SYTL5: variants seen among roughly 807,000 people sequenced by gnomAD.
The protein encoded by SYTL5 is synaptotagmin-like protein 5.
A neutral mutation model predicts 55.9 loss-of-function variants in SYTL5; 34 were observed. The ratio of observed to expected loss-of-function variants is 0.61; its 90% CI spans 0.46 to 0.81. The LOEUF (loss-of-function observed/expected upper bound fraction) is 0.81. Among genes scored for constraint, SYTL5 ranks in the 30% least tolerant of loss-of-function variants. SYTL5 has a pLI of 0.00. For synonymous variants in SYTL5, 221 were observed against 188.7 expected (o/e 1.17, Z -1.40); for missense variants, 637 against 546.7 (o/e 1.17, Z -1.65).
the SYTL5 span, among the ~76,000 whole-genome samples, chrX:37,937,047 CAA>C: frequency 2.3e-3 from 178 of 77,844 alleles, no homozygotes; most frequent in Middle Eastern, 5.9e-3. Context: ...AAGACTGTCT[CAA>C]AAAAAAAAAA....
chrX:37,895,024 C>T, the SYTL5 span, among the ~76,000 whole-genome samples: 2 of 111,559 alleles, frequency 1.8e-5, no homozygotes, highest in African/African-American at 6.5e-5. Flanking sequence ...ATTGCGTGAG[C>T]CAATTCCTGT....
chrX:37,986,158 G>T, the SYTL5 span, among the ~76,000 whole-genome samples: 12 of 110,589 alleles, frequency 1.1e-4, no homozygotes, highest in Admixed American at 3.8e-4. Context: ...TAGATAAATC[G>T]CACTTTATTT....
chrX:37,955,709 TA>T, the SYTL5 span, among the ~76,000 whole-genome samples: 21 of 111,715 alleles, frequency 1.9e-4, no homozygotes, highest in Non-Finnish European at 3.8e-4. Context: ...TATCTTTCCC[TA>T]AAGGACTCTG....
At chrX:37,923,077 C>A in the SYTL5 span, among the ~76,000 whole-genome samples, 1 of 112,708 alleles carries the variant, frequency 8.9e-6, no homozygotes, top group Non-Finnish European at 1.9e-5. Flanking sequence ...TGCTTTCCGT[C>A]CATTGGCCCT....
At chrX:37,931,552 A>C in the SYTL5 span, among the ~76,000 whole-genome samples, 3 of 111,483 alleles carry the variant, frequency 2.7e-5, no homozygotes, top group Non-Finnish European at 5.7e-5. Flanking sequence ...ATCTGGAATG[A>C]TACCATATAC....
chrX:38,003,026 T>A (rs149223089), upstream of SYTL5, among the ~76,000 whole-genome samples: 10,397 of 111,459 alleles, frequency 0.093, 850 homozygotes, highest in African/African-American at 0.24. Context: ...CTTTAATCCA[T>A]CTTGAATTAA....
chrX:37,955,747 C>T, the SYTL5 span, among the ~76,000 whole-genome samples: 3 of 111,565 alleles, frequency 2.7e-5, no homozygotes, highest in East Asian at 2.8e-4. Context: ...CTATTTCCTA[C>T]CTCAGGATTC....
chrX:37,949,393 A>G, the SYTL5 span: 33 of 111,473 alleles, frequency 3.0e-4, no homozygotes, highest in Non-Finnish European at 5.9e-4. Flanking sequence ...CACCAAACCA[A>G]CCTGACATTG....
At chrX:38,016,163 A>G (rs1934348696) in intron 1 of SYTL5, among the ~76,000 whole-genome samples, 2 of 112,064 alleles carry the variant, frequency 1.8e-5, no homozygotes, top group African/African-American at 6.5e-5. Flanking sequence ...TATTATTGTT[A>G]TATTTTTAAT....
chrX:37,955,256 C>T, the SYTL5 span, among the ~76,000 whole-genome samples: 1 of 111,780 alleles, frequency 8.9e-6, no homozygotes, highest in East Asian at 2.8e-4. Flanking sequence ...TTTGGTACCA[C>T]AGCATGGATT....
the SYTL5 span, among the ~76,000 whole-genome samples, chrX:37,989,325 C>T: frequency 4.5e-5 from 5 of 112,064 alleles, no homozygotes; most frequent in African/African-American, 1.3e-4. Context: ...GTTATATCAG[C>T]AGAAACAATG....
the SYTL5 span, among the ~76,000 whole-genome samples, chrX:37,977,401 G>A: frequency 9.0e-6 from 1 of 110,501 alleles, no homozygotes; most frequent in Admixed American, 9.7e-5. Flanking sequence ...GTGGAAGTAT[G>A]AAAGGCGTTC....
rs750671871 is a variant in SYTL5 at position 38,108,647 on chromosome X, G to A, written c.1382G>A (p.Arg461His). The change falls in exon 12 of 17, where the codon CGT becomes CAT. Residue 461 changes from arginine (R) to histidine (H), a missense_variant. Coordinates refer to ENST00000297875, the MANE Select transcript of SYTL5 (RefSeq NM_138780.3). ...LLPDKSRNNK[R>H]KTKIRTGTNP... ...CCTGACAAGTCCCGGAACAACAAGCGTAAGACCAAAATCAGAACAGGCACC... is the reference window on the plus strand; with the variant it reads ...CCTGACAAGTCCCGGAACAACAAGCATAAGACCAAAATCAGAACAGGCACC... 7.5e-6 allele frequency: 9 copies of A among 1,203,876 alleles called. No homozygotes were observed. The highest frequency in any genetic ancestry group is 1.0e-5 in the Non-Finnish European group (9 of 890,756).
chrX:37,923,770 T>G, the SYTL5 span, among the ~76,000 whole-genome samples: 1 of 111,256 alleles, frequency 9.0e-6, no homozygotes, highest in African/African-American at 3.3e-5. Context: ...CTGCAAATCC[T>G]GTTTCTAATT....
At chrX:38,112,770 T>G (rs373529260) in intron 13 of SYTL5, among the ~76,000 whole-genome samples, 11 of 112,050 alleles carry the variant, frequency 9.8e-5, no homozygotes, top group African/African-American at 3.6e-4. Flanking sequence ...GCCAGCTATG[T>G]GAAGTGGCAC....
intron 9 of SYTL5, 60 bp from the exon 10 acceptor site, chrX:38,102,282 G>A: frequency 2.4e-6 from 2 of 843,564 alleles, no homozygotes; most frequent in Non-Finnish European, 3.5e-6. Context: ...TTTCTCAAGT[G>A]AAAAAACATT....
At chrX:37,939,837 T>A in the SYTL5 span, 1 of 111,541 alleles carries the variant, frequency 9.0e-6, no homozygotes, top group Non-Finnish European at 1.9e-5. Context: ...TCTTTTTGTC[T>A]TGTTTTGTTT....
At chrX:37,923,586 A>G in the SYTL5 span, among the ~76,000 whole-genome samples, 1 of 110,130 alleles carries the variant, frequency 9.1e-6, no homozygotes, top group Non-Finnish European at 1.9e-5. Context: ...TATATATACA[A>G]TTCTCAGATA....
At chrX:38,099,951 G>A (rs1937042366) in intron 9 of SYTL5, among the ~76,000 whole-genome samples, 1 of 111,211 alleles carries the variant, frequency 9.0e-6, no homozygotes, top group Non-Finnish European at 1.9e-5. Context: ...TTCTTCATGT[G>A]CTGTTGAATT....
Sources: gnomAD v4.1 joint callset for allele counts (sites outside exome capture counted in the v4.1 genomes callset) on GRCh38, gnomAD v4.1.1 for gene constraint, MANE v1.5 for transcripts, NCBI Gene and HGNC (gene_info 2026-07-23, HGNC 2026-07-21) for gene names.